The following BAIAP2 variants were observed in gnomAD, a reference collection of about 807,000 sequenced individuals.
The protein encoded by BAIAP2 is BAR/IMD domain-containing adapter protein 2.
In BAIAP2, 18 loss-of-function variants were observed where a neutral mutation model predicts 63.0. That is an observed-to-expected ratio of 0.29 (90% confidence interval 0.20 to 0.42). The LOEUF (loss-of-function observed/expected upper bound fraction) is 0.42, where lower values mean the gene tolerates loss of function less well. Among genes scored for constraint, BAIAP2 ranks in the 10% least tolerant of loss-of-function variants. The pLI is 1.00. For missense variants in BAIAP2, 610 were observed against 734.3 expected (o/e 0.83, Z 1.96); for synonymous variants, 386 against 307.6 (o/e 1.25, Z -2.67).
intron 1 of BAIAP2, among the ~76,000 whole-genome samples, chr17:81,047,463 G>A (rs1402936419): frequency 1.3e-5 from 2 of 152,210 alleles, no homozygotes; most frequent in African/African-American, 2.4e-5. Flanking sequence ...GCTCAGCCTG[G>A]CCACACACAG....
chr17:81,092,766 G>A (rs2056992090), intron 6 of BAIAP2, among the ~76,000 whole-genome samples: 1 of 152,168 alleles, frequency 6.6e-6, no homozygotes, highest in Admixed American at 6.5e-5. Flanking sequence ...GCTGGGCCAG[G>A]TGCTGACAGA....
Position 81,041,272 on chromosome 17 carries a change from A to G in BAIAP2, c.54+5964A>G, listed in dbSNP as rs544709479. ...TCCCTGGGCAGTGGGTACAGCGGGC[A>G]GGATGCTCCCAGGGTCCCTGGAGGC... is the stretch of plus-strand genomic sequence containing the variant. On this transcript the variant is annotated intron_variant, in intron 1 of 13. Coordinates refer to ENST00000428708, the MANE Select transcript of BAIAP2 (RefSeq NM_001144888.2). Among the ~76,000 whole-genome samples, 8 of 152,332 alleles carry G rather than the reference A, an allele frequency of 5.3e-5. No homozygotes were observed. In the South Asian group the frequency reaches 1.7e-3, roughly 32 times the overall value.
intron 10 of BAIAP2, chr17:81,105,027 CCCCAATGGCAGGGGTCTTT>C: frequency 3.5e-6 from 1 of 282,820 alleles, no homozygotes; most frequent in South Asian, 4.5e-5. Context: ...CAGGTATCTC[CCCCAATGGCAGGGGTCTTT>C]CCCCATGGCA....
At chr17:81,072,538 C>T (rs559616246) in intron 3 of BAIAP2, among the ~76,000 whole-genome samples, 1 of 152,354 alleles carries the variant, frequency 6.6e-6, no homozygotes, top group African/African-American at 2.4e-5. Flanking sequence ...TCTCCACGTC[C>T]CCACCCGAAC....
In BAIAP2 at chr17:81,046,232, G is replaced by T; in HGVS notation, c.55-7436G>T. ...TCAGGCCCCCGTCCTAACCCTGCGC[G>T]CCGTTTCCTCCCAGAAACTTCCATG... On this transcript the variant is annotated intron_variant, in intron 1 of 13. Transcript: ENST00000428708. The surrounding 1 kb of genome is among the most constrained non-coding windows in gnomAD (Gnocchi z 4.5). Among the ~76,000 whole-genome samples the T allele has an allele frequency of 6.6e-6, 1 of 152,074 alleles. No homozygotes were observed. The highest frequency in any genetic ancestry group is 1.5e-5 in the Non-Finnish European group (1 of 67,990).
At chr17:81,105,833 TG>T in intron 10 of BAIAP2, 1 of 435,094 alleles carries the variant, frequency 2.3e-6, no homozygotes, top group Non-Finnish European at 4.2e-6. Flanking sequence ...GCCTTGCAGT[TG>T]GGTCTGGTGG....
At position 81,115,986 on chromosome 17, in the gene BAIAP2, A is replaced by G; in HGVS notation, c.*147A>G. Reference sequence around the variant, plus strand: ...CCCACTTGAGTCTGGCCTGGACTGGATCCCAGCTGTTCTAGGCAGGGCCGG... The same window carrying G: ...CCCACTTGAGTCTGGCCTGGACTGGGTCCCAGCTGTTCTAGGCAGGGCCGG... On this transcript the variant is annotated 3_prime_UTR_variant, in exon 14 of 14. Coordinates refer to ENST00000428708, the MANE Select transcript of BAIAP2 (RefSeq NM_001144888.2). The G allele has an allele frequency of 6.7e-7, 1 of 1,488,972 alleles. No individual in the cohort carries two copies. The highest frequency in any genetic ancestry group is 2.2e-5 in the Admixed American group (1 of 46,324). The allele number at this position is 1,488,972 out of a possible 1,614,324, so 92.2% of individuals were successfully genotyped here. A position where few individuals can be genotyped will look rare whatever the true frequency, so the allele number is the denominator to read the frequency against.
At chr17:81,112,866 C>G (rs777940251) in intron 13 of BAIAP2, among the ~76,000 whole-genome samples, 2 of 151,948 alleles carry the variant, frequency 1.3e-5, no homozygotes, top group African/African-American at 2.4e-5. Flanking sequence ...GCCTGGGCAA[C>G]CTAGGGAGAC....
At chr17:81,105,124 G>T (rs1343590777) in intron 10 of BAIAP2, 41 of 148,798 alleles carry the variant, frequency 2.8e-4, no homozygotes, top group Non-Finnish European at 3.8e-4. Flanking sequence ...GCAGGGGTCT[G>T]CCCCATGGCA....
chr17:81,058,009 C>G (rs770439626), intron 3 of BAIAP2, 42 bp downstream of exon 3: 3 of 1,386,290 alleles, frequency 2.2e-6, no homozygotes, highest in East Asian at 5.4e-5. Flanking sequence ...TCGCCTGATG[C>G]CCTCAGGCAG....
Position 81,061,827 on chromosome 17 carries a change from C to A in BAIAP2, c.217+3860C>A, listed in dbSNP as rs1261232468. ...AATCTTCCCCCTTTGTTTCACTTGG[C>A]TTTTGTCTTCTTAAGTTACGAGAGT... is the stretch of plus-strand genomic sequence containing the variant. On this transcript the variant is annotated intron_variant, in intron 3 of 13. Coordinates refer to ENST00000428708, the MANE Select transcript of BAIAP2 (RefSeq NM_001144888.2). Among the ~76,000 whole-genome samples the A allele has an allele frequency of 2.6e-5, 4 of 152,132 alleles. No homozygotes were observed. In the East Asian group the frequency reaches 5.8e-4, roughly 22 times the overall value.
intron 9 of BAIAP2, 101 bp downstream of exon 9, chr17:81,104,209 G>C: frequency 7.7e-7 from 1 of 1,306,842 alleles, no homozygotes; most frequent in African/African-American, 1.5e-5. Flanking sequence ...GAGACCCTGA[G>C]GCTCACAATT....
At chr17:81,101,681 C>T (rs566676350) in intron 7 of BAIAP2, among the ~76,000 whole-genome samples, 3 of 152,352 alleles carry the variant, frequency 2.0e-5, no homozygotes, top group African/African-American at 7.2e-5. Flanking sequence ...GCTCCAGTCC[C>T]CACAGCCTGG....
At chr17:81,084,925 A>T (rs766840877) in intron 4 of BAIAP2, 32 bp downstream of exon 4, 15 of 1,610,906 alleles carry the variant, frequency 9.3e-6, no homozygotes, top group Non-Finnish European at 1.2e-5. Flanking sequence ...CCCTGCGAGG[A>T]GGGGCAGGTG....
At chr17:81,101,046 C>G (rs1307370884) in intron 7 of BAIAP2, among the ~76,000 whole-genome samples, 1 of 151,194 alleles carries the variant, frequency 6.6e-6, no homozygotes, top group Non-Finnish European at 1.5e-5. Flanking sequence ...CGCTAGGCGT[C>G]CCCCGGCACA....
intron 3 of BAIAP2, among the ~76,000 whole-genome samples, chr17:81,059,204 G>T (rs1194170798): frequency 1.3e-5 from 2 of 152,366 alleles, no homozygotes; most frequent in East Asian, 3.9e-4. Context: ...ATGCCCGGGC[G>T]GCTGGAGTTT....
chr17:81,089,499 G>A (rs2056335359), intron 6 of BAIAP2, among the ~76,000 whole-genome samples: 1 of 152,200 alleles, frequency 6.6e-6, no homozygotes, highest in South Asian at 2.1e-4. Flanking sequence ...TGGTGGCTGG[G>A]CCCGTCCTGG....
At chr17:81,036,402 G>T (rs1417369661) in intron 1 of BAIAP2, among the ~76,000 whole-genome samples, 1 of 152,242 alleles carries the variant, frequency 6.6e-6, no homozygotes, top group South Asian at 2.1e-4. Context: ...ACCCTGCCCG[G>T]CAGAGTAACT....
At position 81,110,271 on chromosome 17, in the gene BAIAP2, C is replaced by T. The variant is rs570085839; in HGVS notation, c.1535+1762C>T. ...GCGGACCGCGTGACATTAAGGAGAGCTCAAGGGCGGACCGGGCCCTGTGTA... is the reference window on the plus strand; with the variant it reads ...GCGGACCGCGTGACATTAAGGAGAGTTCAAGGGCGGACCGGGCCCTGTGTA... On this transcript the variant is annotated intron_variant, in intron 13 of 13. Transcript: ENST00000428708. 3.2e-5 allele frequency: 32 copies of T among 985,700 alleles called. No individual in the cohort carries two copies. The South Asian group carries it at 5.6e-4, about 17-fold the overall frequency. 61.1% of individuals were successfully genotyped at this position (985,700 alleles called of 1,614,324 possible).
Sources: allele counts gnomAD v4.1 joint callset (sites outside exome capture counted in the v4.1 genomes callset), GRCh38; gene constraint gnomAD v4.1.1; non-coding constraint Gnocchi (gnomAD v3.1); transcripts MANE v1.5; gene names NCBI Gene and HGNC (gene_info 2026-07-23, HGNC 2026-07-21).